Variants in EPHA5 observed in about 807,000 individuals in gnomAD.
EPHA5 encodes ephrin type-A receptor 5.
Under a neutral mutation model 105.0 loss-of-function variants are expected in EPHA5, and 60 were observed. That is an observed-to-expected ratio of 0.57 (90% CI 0.46 to 0.71). The LOEUF is 0.71. EPHA5 is among the 30% of genes least tolerant of loss of function. EPHA5 has a pLI of 0.00. For missense variants in EPHA5, 1,218 were observed against 1,274.7 expected, an observed-to-expected ratio of 0.96 and a Z score of 0.68; for synonymous variants, 513 against 449.1, an observed-to-expected ratio of 1.14 and a Z score of -1.80.
intron 5 of EPHA5, among the ~76,000 whole-genome samples, chr4:65,476,892 A>G (rs982029592): frequency 6.6e-6 from 1 of 152,178 alleles, no homozygotes; most frequent in Non-Finnish European, 1.5e-5. Context: ...ATAATAAAAA[A>G]GAAAACATCA....
chr4:65,388,232 G>C (rs1271112659), intron 8 of EPHA5, among the ~76,000 whole-genome samples: 1 of 150,018 alleles, frequency 6.7e-6, no homozygotes, highest in East Asian at 2.0e-4. Flanking sequence ...GGACATTTGG[G>C]TTGGTTCCAA....
intron 3 of EPHA5, among the ~76,000 whole-genome samples, chr4:65,504,186 C>A (rs934541728): frequency 2.0e-5 from 3 of 150,888 alleles, no homozygotes; most frequent in African/African-American, 7.3e-5. Context: ...TACTAATTTC[C>A]TTCCCATAAT....
intron 3 of EPHA5, among the ~76,000 whole-genome samples, chr4:65,518,258 TTTTC>T (rs1422076600): frequency 6.6e-6 from 1 of 152,030 alleles, no homozygotes; most frequent in Middle Eastern, 3.2e-3. Context: ...TTTATTATCT[TTTTC>T]TTTATTATCT....
chr4:65,533,766 T>C (rs1736041781), intron 3 of EPHA5, among the ~76,000 whole-genome samples: 1 of 151,884 alleles, frequency 6.6e-6, no homozygotes, highest in Non-Finnish European at 1.5e-5. Flanking sequence ...AAACCCCATC[T>C]CTACTAAAAA....
chr4:65,352,325 T>C (rs1456784265), intron 12 of EPHA5, among the ~76,000 whole-genome samples: 1 of 152,010 alleles, frequency 6.6e-6, no homozygotes, highest in African/African-American at 2.4e-5. Flanking sequence ...ATCAATGCCA[T>C]TGGGCTATCA....
intron 1 of EPHA5, among the ~76,000 whole-genome samples, chr4:65,662,323 G>A (rs1344468086): frequency 6.6e-6 from 1 of 152,032 alleles, no homozygotes; most frequent in Admixed American, 6.6e-5. Flanking sequence ...TCAACCCTCA[G>A]GTTTTGGCTC....
At chr4:65,623,555 T>A (rs976976063) in intron 2 of EPHA5, among the ~76,000 whole-genome samples, 6 of 152,178 alleles carry the variant, frequency 3.9e-5, no homozygotes, top group Non-Finnish European at 5.9e-5. Context: ...ATAAGTGCTA[T>A]GAGGAGATAC....
intron 3 of EPHA5, among the ~76,000 whole-genome samples, chr4:65,598,432 T>C (rs1264479283): frequency 6.6e-6 from 1 of 152,214 alleles, no homozygotes. Context: ...TTGCAGATTT[T>C]CTTTCCTCTC....
intron 1 of EPHA5, among the ~76,000 whole-genome samples, chr4:65,643,846 T>G (rs1747883557): frequency 6.6e-6 from 1 of 152,058 alleles, no homozygotes; most frequent in South Asian, 2.1e-4. Context: ...TCTGGAAAGC[T>G]GTTATGCAGC....
rs2148888843 is a variant in EPHA5 at position 65,365,145 on chromosome 4, G to A, written c.2045C>T (p.Pro682Leu). Residue 682 changes from proline to leucine, a missense_variant, in exon 11 of 17, where the codon CCT becomes CTT. Pro to Leu is a moderately conservative substitution (Grantham distance 98). Around this residue, in one of 3 missense-constraint regions of EPHA5, gnomAD observed 971 missense variants for 1,013.5 expected, o/e 0.96. Coordinates refer to ENST00000613740, the MANE Select transcript of EPHA5 (RefSeq NM_001281766.3). ...RLKLPGKREL[P>L]VAIKTLKVGY... ...TACTTTAAGGGTTTTGATAGCCACA[G>A]GTAATTCTCTTTTTCCTGGTAGTTT... The A allele has an allele frequency of 6.2e-7, 1 of 1,611,456 alleles. No homozygotes were observed. The highest frequency in any genetic ancestry group is 8.5e-7 in the Non-Finnish European group (1 of 1,178,302).
intron 1 of EPHA5, among the ~76,000 whole-genome samples, chr4:65,662,057 G>A (rs1749601184): frequency 6.6e-6 from 1 of 152,022 alleles, no homozygotes; most frequent in South Asian, 2.1e-4. Context: ...AAACAGGCAG[G>A]GGCTCTTACC....
rs1430368288 is a variant in EPHA5 at position 65,404,409 on chromosome 4, C to A, written c.1758G>T (p.Leu586Phe). The change falls in exon 8 of 17, where the codon TTG (leucine) becomes TTT (phenylalanine). Residue 586 changes from leucine (L) to phenylalanine (F), a missense_variant. Leu to Phe is a conservative substitution (Grantham distance 22). Transcript: ENST00000613740. ...IAVSVTVGVILLAVVIGVLLS... is the reference protein window; with the variant it reads ...IAVSVTVGVIFLAVVIGVLLS... ...GGAGGACGCCGATAACCACTGCCAA[C>A]AAAATGACTCCCACTGTCACAGACA... 3 of 1,613,774 alleles carry A rather than the reference C, an allele frequency of 1.9e-6. No homozygotes were observed. The East Asian group carries it at 6.7e-5, about 36-fold the overall frequency.
intron 1 of EPHA5, among the ~76,000 whole-genome samples, chr4:65,651,829 A>T: frequency 6.6e-6 from 1 of 152,128 alleles, no homozygotes; most frequent in East Asian, 1.9e-4. Context: ...AAAAAGTGTA[A>T]ACCCAGGGAG....
At chr4:65,505,684 A>G (rs994869568) in intron 3 of EPHA5, among the ~76,000 whole-genome samples, 3 of 151,996 alleles carry the variant, frequency 2.0e-5, no homozygotes, top group Non-Finnish European at 4.4e-5. Context: ...TTTTCAACAT[A>G]TTTTCATGGG....
chr4:65,586,123 A>C (rs1344110890), intron 3 of EPHA5, among the ~76,000 whole-genome samples: 3 of 151,634 alleles, frequency 2.0e-5, no homozygotes, highest in Non-Finnish European at 4.4e-5. Context: ...TTTAATATAT[A>C]AGTAATGAGA....
intron 3 of EPHA5, among the ~76,000 whole-genome samples, chr4:65,504,085 G>C (rs1255989963): frequency 6.6e-6 from 1 of 151,250 alleles, no homozygotes; most frequent in African/African-American, 2.4e-5. Context: ...ATTAGAAATT[G>C]ATTAGGATTA....
intron 3 of EPHA5, among the ~76,000 whole-genome samples, chr4:65,530,111 G>A (rs1419835327): frequency 2.6e-5 from 4 of 152,040 alleles, no homozygotes; most frequent in African/African-American, 7.2e-5. Context: ...TATCACAGAT[G>A]TCTTAAAAAT....
At chr4:65,607,647 A>G (rs1278489071) in intron 2 of EPHA5, among the ~76,000 whole-genome samples, 2 of 152,242 alleles carry the variant, frequency 1.3e-5, no homozygotes, top group African/African-American at 4.8e-5. Context: ...ATCTCATGCC[A>G]GTTACAATGG....
chr4:65,325,916 C>T (rs1410715478), intron 16 of EPHA5, among the ~76,000 whole-genome samples: 2 of 150,766 alleles, frequency 1.3e-5, no homozygotes, highest in African/African-American at 4.9e-5. Flanking sequence ...CACTGCAGCA[C>T]CACCAGCCCT....
Sources: allele counts gnomAD v4.1 joint callset (sites outside exome capture counted in the v4.1 genomes callset), GRCh38; gene constraint gnomAD v4.1.1; regional missense constraint gnomAD v4.1.1; transcripts MANE v1.5; gene names NCBI Gene and HGNC (gene_info 2026-07-23, HGNC 2026-07-21).